Variants in AUTS2 observed in about 807,000 individuals in gnomAD.
The protein encoded by AUTS2 is activator of transcription and developmental regulator AUTS2.
Under a neutral mutation model 112.4 loss-of-function variants are expected in AUTS2, and 17 were observed. The ratio of observed to expected loss-of-function variants is 0.15; its 90% CI spans 0.10 to 0.23. AUTS2 has a LOEUF of 0.23. AUTS2 is among the 10% of genes least tolerant of loss of function. The pLI is 1.00. For missense variants in AUTS2, 1,510 were observed against 1,701.6 expected, an observed-to-expected ratio of 0.89 and a Z score of 1.98; for synonymous variants, 751 against 702.7, an observed-to-expected ratio of 1.07 and a Z score of -1.09.
intron 5 of AUTS2, among the ~76,000 whole-genome samples, chr7:70,547,586 A>G (rs2129516887): frequency 6.6e-6 from 1 of 151,914 alleles, no homozygotes; most frequent in Middle Eastern, 3.4e-3. Flanking sequence ...GGCTTCTTTC[A>G]CTCGTCCTAA....
chr7:70,150,429 C>T (rs945759094), intron 4 of AUTS2, among the ~76,000 whole-genome samples: 4 of 152,104 alleles, frequency 2.6e-5, no homozygotes, highest in Admixed American at 6.5e-5. Context: ...AATACAGAAA[C>T]ACAAAAAGTT....
intron 5 of AUTS2, among the ~76,000 whole-genome samples, chr7:70,671,773 T>C (rs1473286657): frequency 6.6e-6 from 1 of 152,198 alleles, no homozygotes; most frequent in Non-Finnish European, 1.5e-5. Context: ...GGCTAACCTG[T>C]CTCTTTGCGT....
intron 5 of AUTS2, among the ~76,000 whole-genome samples, chr7:70,450,628 T>C (rs1220320693): frequency 1.3e-5 from 2 of 152,170 alleles, no homozygotes; most frequent in Non-Finnish European, 2.9e-5. Flanking sequence ...GAGTTTGGAC[T>C]TGATCCAGAT....
chr7:70,703,379 T>C (rs1468884117), intron 6 of AUTS2, among the ~76,000 whole-genome samples: 1 of 150,470 alleles, frequency 6.6e-6, no homozygotes, highest in Non-Finnish European at 1.5e-5. Flanking sequence ...ATTTGTAGTC[T>C]CAGCTACTTG....
intron 4 of AUTS2, among the ~76,000 whole-genome samples, chr7:70,145,247 A>T (rs967764663): frequency 3.9e-5 from 6 of 152,118 alleles, no homozygotes; most frequent in Non-Finnish European, 7.4e-5. Context: ...ATACATCTGG[A>T]AAGAGTTTTG....
intron 2 of AUTS2, among the ~76,000 whole-genome samples, chr7:70,117,372 A>G (rs1238460655): frequency 6.6e-6 from 1 of 151,868 alleles, no homozygotes; most frequent in Non-Finnish European, 1.5e-5. Context: ...ATTTTTTCCT[A>G]GGAGAAGAAA....
intron 1 of AUTS2, among the ~76,000 whole-genome samples, chr7:69,633,238 C>T (rs1291414534): frequency 6.6e-6 from 1 of 152,004 alleles, no homozygotes; most frequent in Non-Finnish European, 1.5e-5. Context: ...GTCCTTCAGG[C>T]TCATCCACAT....
At chr7:70,469,629 T>TTTTTG (rs1303145436) in intron 5 of AUTS2, among the ~76,000 whole-genome samples, 1 of 152,010 alleles carries the variant, frequency 6.6e-6, no homozygotes, top group Non-Finnish European at 1.5e-5. Flanking sequence ...TCGTGGTTTG[T>TTTTTG]TTTTGTTTTG....
intron 1 of AUTS2, among the ~76,000 whole-genome samples, chr7:69,849,594 TA>T (rs2129529615): frequency 6.6e-6 from 1 of 152,050 alleles, no homozygotes; most frequent in Non-Finnish European, 1.5e-5. Flanking sequence ...TTTATTCATT[TA>T]AAAATTATAT....
intron 1 of AUTS2, among the ~76,000 whole-genome samples, chr7:69,898,835 C>T (rs1794856480): frequency 6.6e-6 from 1 of 152,142 alleles, no homozygotes; most frequent in African/African-American, 2.4e-5. Flanking sequence ...GGCTCACATC[C>T]ACCTGGACCT....
At chr7:70,168,571 C>T (rs1371635683) in intron 4 of AUTS2, among the ~76,000 whole-genome samples, 1 of 152,176 alleles carries the variant, frequency 6.6e-6, no homozygotes, top group African/African-American at 2.4e-5. Context: ...CCCGCCTTGG[C>T]TTCCCTAAGT....
intron 2 of AUTS2, among the ~76,000 whole-genome samples, chr7:70,000,633 A>G (rs1380253179): frequency 6.6e-6 from 1 of 152,208 alleles, no homozygotes; most frequent in Non-Finnish European, 1.5e-5. Context: ...TTCTCCCATC[A>G]TCTTTATATT....
intron 5 of AUTS2, among the ~76,000 whole-genome samples, chr7:70,526,820 CCT>C (rs944397729): frequency 5.3e-5 from 8 of 152,222 alleles, no homozygotes; most frequent in Non-Finnish European, 1.0e-4. Context: ...GCCCTTGCCT[CCT>C]CTCTCCCGAC....
intron 5 of AUTS2, among the ~76,000 whole-genome samples, chr7:70,513,461 G>T (rs945782420): frequency 1.3e-5 from 2 of 152,148 alleles, no homozygotes; most frequent in African/African-American, 4.8e-5. Context: ...TGTAATAAGG[G>T]GACAGATTTG....
chr7:70,375,190 T>C (rs1043873128), intron 4 of AUTS2, among the ~76,000 whole-genome samples: 6 of 152,218 alleles, frequency 3.9e-5, no homozygotes, highest in African/African-American at 1.2e-4. Context: ...GTTGAAATGC[T>C]TGTGAAACAA....
chr7:70,555,482 G>T (rs1207979527), intron 5 of AUTS2, among the ~76,000 whole-genome samples: 1 of 152,078 alleles, frequency 6.6e-6, no homozygotes, highest in Non-Finnish European at 1.5e-5. Context: ...TTTTGACTTG[G>T]GAGCCTTTTT....
chr7:69,753,878 T>G lies in AUTS2; in HGVS notation c.310-145408T>G, dbSNP rs568515140. Among the ~76,000 whole-genome samples the G allele has an allele frequency of 2.6e-5, 4 of 152,328 alleles. No individual in the cohort carries two copies. In the South Asian group the frequency reaches 8.3e-4, roughly 32 times the overall value. On this transcript the variant is annotated intron_variant, in intron 1 of 18. Transcript: ENST00000342771. ...TTCAGGTTCTCAGACCAGCAGGCCATGCATGGGGGCTTGTGATTAAGCTGG... is the reference window on the plus strand; with the variant it reads ...TTCAGGTTCTCAGACCAGCAGGCCAGGCATGGGGGCTTGTGATTAAGCTGG...
At chr7:70,709,033 T>TC (rs1413289726) in intron 6 of AUTS2, among the ~76,000 whole-genome samples, 4 of 151,252 alleles carry the variant, frequency 2.6e-5, no homozygotes, top group African/African-American at 4.9e-5. Context: ...TTCTCCTGCC[T>TC]CAGCCTCCCG....
chr7:69,933,578 AC>A (rs1292367082), intron 2 of AUTS2, among the ~76,000 whole-genome samples: 1 of 152,210 alleles, frequency 6.6e-6, no homozygotes, highest in Non-Finnish European at 1.5e-5. Context: ...CGAAATAAGT[AC>A]TATAAATTTT....
Sources: gnomAD v4.1 joint callset for allele counts (sites outside exome capture counted in the v4.1 genomes callset) on GRCh38, gnomAD v4.1.1 for gene constraint, MANE v1.5 for transcripts, NCBI Gene and HGNC (gene_info 2026-07-23, HGNC 2026-07-21) for gene names.